Variants in TSPAN18 observed in about 807,000 individuals in gnomAD.
The protein encoded by TSPAN18 is tetraspanin 18, also known as tetraspanin-18.
A neutral mutation model predicts 27.3 loss-of-function variants in TSPAN18; 14 were observed. The observed-to-expected ratio is 0.51, with a 90% CI of 0.34 to 0.80. The LOEUF is 0.80. Among genes scored for constraint, TSPAN18 ranks in the 30% least tolerant of loss-of-function variants. The pLI is 0.01. For missense variants in TSPAN18, 268 were observed against 323.9 expected (o/e 0.83, Z 1.32); for synonymous variants, 143 against 136.5 (o/e 1.05, Z -0.33).
intron 1 of TSPAN18, among the ~76,000 whole-genome samples, chr11:44,747,213 T>A (rs1246980198): frequency 2.0e-5 from 3 of 152,250 alleles, no homozygotes; most frequent in African/African-American, 7.2e-5. Context: ...CTCCCTGGCA[T>A]CTTTTCTCCA....
At chr11:44,928,234 G>A (rs1000088714) in intron 9 of TSPAN18, among the ~76,000 whole-genome samples, 1 of 152,202 alleles carries the variant, frequency 6.6e-6, no homozygotes, top group Non-Finnish European at 1.5e-5. Flanking sequence ...TCATAACTCC[G>A]GGAAGGGCTG....
At position 44,792,830 on chromosome 11, in the gene TSPAN18, T is replaced by C. The variant is rs186401879; in HGVS notation, c.-153+28318T>C. Among the ~76,000 whole-genome samples the C allele has an allele frequency of 6.9e-4, 104 of 151,492 alleles. 1 individual carries two copies. Among genetic ancestry groups the C allele is most frequent in the Admixed American group, 3.4e-3 (52 of 15,232 alleles). ...GCCAAGGCCAAGAGGTGGGAGAGAG[T>C]GTGGCTTGTGGGGCAAGGGCTGGCA... On this transcript the variant is annotated intron_variant, in intron 2 of 9. Coordinates refer to ENST00000520358, the MANE Select transcript of TSPAN18 (RefSeq NM_130783.5).
intron 8 of TSPAN18, among the ~76,000 whole-genome samples, chr11:44,921,033 G>A (rs946850306): frequency 8.5e-5 from 13 of 152,196 alleles, no homozygotes; most frequent in Non-Finnish European, 1.5e-4. Flanking sequence ...GGGCTCTGGC[G>A]GGCCCTTTCC....
intron 3 of TSPAN18, among the ~76,000 whole-genome samples, chr11:44,901,859 G>A (rs575187091): frequency 6.6e-6 from 1 of 152,284 alleles, no homozygotes; most frequent in South Asian, 2.1e-4. Context: ...GAGCTTCAGT[G>A]TCCTCTTCTG....
In TSPAN18 at chr11:44,731,633, T is replaced by TGTGTGTGTGTGAGAGA. The variant is rs139154582; in HGVS notation, c.-240+4347_-240+4348insTGTGTGTGTGAGAGAG. Among the ~76,000 whole-genome samples the TGTGTGTGTGTGAGAGA allele has an allele frequency of 5.2e-4, 56 of 107,430 alleles. 1 individual carries two copies. The highest frequency in any genetic ancestry group is 7.5e-4 in the South Asian group (2 of 2,670). The allele number at this position is 107,430 out of a possible 152,430, so 70.5% of individuals were successfully genotyped here. ...GTGTGTGTGTGTGTGTGTGTGTGTG[T>TGTGTGTGTGTGAGAGA]GAGAGAGAGAGAGAGAGAGAGAAAA... On this transcript the variant is annotated intron_variant, in intron 1 of 9. Coordinates refer to ENST00000520358, the MANE Select transcript of TSPAN18 (RefSeq NM_130783.5).
intron 2 of TSPAN18, among the ~76,000 whole-genome samples, chr11:44,793,384 T>A (rs1856274964): frequency 6.6e-6 from 1 of 152,144 alleles, no homozygotes; most frequent in Admixed American, 6.5e-5. Flanking sequence ...GGAGCAAATG[T>A]ACTCAGAAAC....
chr11:44,779,712 A>G (rs1464687172), intron 2 of TSPAN18, among the ~76,000 whole-genome samples: 1 of 152,134 alleles, frequency 6.6e-6, no homozygotes, highest in African/African-American at 2.4e-5. Flanking sequence ...ATACCGGTGC[A>G]TATCTACATA....
intron 3 of TSPAN18, among the ~76,000 whole-genome samples, chr11:44,867,816 T>C (rs1858081609): frequency 6.6e-6 from 1 of 152,040 alleles, no homozygotes; most frequent in African/African-American, 2.4e-5. Flanking sequence ...GCAGAAGCAT[T>C]CAAGGAGCTA....
At chr11:44,803,551 G>A (rs1468536145) in intron 2 of TSPAN18, among the ~76,000 whole-genome samples, 2 of 152,176 alleles carry the variant, frequency 1.3e-5, no homozygotes, top group South Asian at 2.1e-4. Flanking sequence ...CTCTGAGAGA[G>A]GGTAGAGGAG....
chr11:44,876,932 C>T (rs746107499), intron 3 of TSPAN18, among the ~76,000 whole-genome samples: 25 of 152,176 alleles, frequency 1.6e-4, no homozygotes, highest in African/African-American at 2.9e-4. Context: ...CAGGGTTTCA[C>T]GGAGCTGGGA....
At chr11:44,798,224 A>G (rs1285054642) in intron 2 of TSPAN18, among the ~76,000 whole-genome samples, 1 of 152,198 alleles carries the variant, frequency 6.6e-6, no homozygotes, top group Non-Finnish European at 1.5e-5. Flanking sequence ...TGGTACCATC[A>G]TTAGCATCAT....
At chr11:44,850,639 C>T (rs879582357) in intron 2 of TSPAN18, among the ~76,000 whole-genome samples, 1 of 152,158 alleles carries the variant, frequency 6.6e-6, no homozygotes, top group African/African-American at 2.4e-5. Flanking sequence ...TCTCATTGAA[C>T]TCTGCACATG....
chr11:44,922,013 T>C (rs1194123234), intron 8 of TSPAN18, among the ~76,000 whole-genome samples: 7 of 152,190 alleles, frequency 4.6e-5, no homozygotes, highest in Non-Finnish European at 8.8e-5. Flanking sequence ...TGCTGAGACA[T>C]TCATGTCCCT....
chr11:44,905,132 T>G (rs910440994), intron 3 of TSPAN18, among the ~76,000 whole-genome samples: 1 of 152,144 alleles, frequency 6.6e-6, no homozygotes, highest in Non-Finnish European at 1.5e-5. Flanking sequence ...TGATACACAT[T>G]TTACTATTAT....
intron 2 of TSPAN18, among the ~76,000 whole-genome samples, chr11:44,837,833 TATTTAC>T (rs1406618136): frequency 6.6e-6 from 1 of 152,260 alleles, no homozygotes; most frequent in Non-Finnish European, 1.5e-5. Context: ...TAAGTTAAGG[TATTTAC>T]ATTTTTTTTA....
chr11:44,771,021 C>T (rs1285332178), intron 2 of TSPAN18, among the ~76,000 whole-genome samples: 1 of 152,026 alleles, frequency 6.6e-6, no homozygotes, highest in Non-Finnish European at 1.5e-5. Context: ...GAGATATGCA[C>T]CTGGGGTTCA....
intron 2 of TSPAN18, among the ~76,000 whole-genome samples, chr11:44,830,383 C>T (rs1366772917): frequency 6.6e-6 from 1 of 152,228 alleles, no homozygotes; most frequent in African/African-American, 2.4e-5. Context: ...TGCCAGTTTG[C>T]TCACCATCAC....
chr11:44,751,145 G>T (rs1379210057), intron 1 of TSPAN18, among the ~76,000 whole-genome samples: 1 of 152,198 alleles, frequency 6.6e-6, no homozygotes, highest in Non-Finnish European at 1.5e-5. Flanking sequence ...GGAGGTTCAG[G>T]AACAGAGAAG....
chr11:44,808,711 G>T (rs982606391), intron 2 of TSPAN18, among the ~76,000 whole-genome samples: 1 of 152,126 alleles, frequency 6.6e-6, no homozygotes, highest in Non-Finnish European at 1.5e-5. Flanking sequence ...ATAATTTAAC[G>T]TTTCTTGGAA....
Sources: gnomAD v4.1 joint callset for allele counts (sites outside exome capture counted in the v4.1 genomes callset) on GRCh38, gnomAD v4.1.1 for gene constraint, MANE v1.5 for transcripts, NCBI Gene and HGNC (gene_info 2026-07-23, HGNC 2026-07-21) for gene names.